ST6GALNAC3: variants seen among roughly 807,000 people sequenced by gnomAD.
The protein encoded by ST6GALNAC3 is alpha-N-acetylgalactosaminide alpha-2,6-sialyltransferase 3.
ST6GALNAC3 carries 25 observed loss-of-function variants against 32.7 expected under a neutral mutation model. The ratio of observed to expected loss-of-function variants is 0.76; its 90% CI spans 0.56 to 1.07. The LOEUF is 1.07. Ranked by LOEUF, ST6GALNAC3 falls within the 50% of genes least tolerant of loss-of-function variation. The pLI, the probability that ST6GALNAC3 is intolerant of heterozygous loss-of-function variation, is 0.00. For missense variants in ST6GALNAC3, 355 were observed against 382.4 expected (o/e 0.93, Z 0.60); for synonymous variants, 129 against 133.1 (o/e 0.97, Z 0.21).
At chr1:76,197,488 G>A (rs1654272090) in intron 1 of ST6GALNAC3, among the ~76,000 whole-genome samples, 2 of 151,346 alleles carry the variant, frequency 1.3e-5, no homozygotes, top group African/African-American at 4.9e-5. Context: ...TCCATGGGGG[G>A]CAGGGAAGGC....
intron 3 of ST6GALNAC3, among the ~76,000 whole-genome samples, chr1:76,573,453 G>C (rs1489746064): frequency 6.6e-6 from 1 of 152,084 alleles, no homozygotes; most frequent in African/African-American, 2.4e-5. Flanking sequence ...TGCACACACA[G>C]GGAGCAATCC....
At chr1:76,301,880 T>C (rs4405171) in intron 1 of ST6GALNAC3, among the ~76,000 whole-genome samples, 1 of 151,598 alleles carries the variant, frequency 6.6e-6, no homozygotes, top group African/African-American at 2.4e-5. Flanking sequence ...AGAAGAAAAA[T>C]CTCAAAAAGG....
chr1:76,380,517 T>G (rs1261291082), intron 2 of ST6GALNAC3, among the ~76,000 whole-genome samples: 1 of 152,170 alleles, frequency 6.6e-6, no homozygotes, highest in Non-Finnish European at 1.5e-5. Flanking sequence ...ACATAAATGT[T>G]TATAGCAGCT....
At chr1:76,477,532 G>A (rs921438324) in intron 3 of ST6GALNAC3, among the ~76,000 whole-genome samples, 4 of 152,136 alleles carry the variant, frequency 2.6e-5, no homozygotes, top group African/African-American at 9.7e-5. Flanking sequence ...CTGACTTCTG[G>A]CATCTCACCA....
chr1:76,566,119 A>G (rs1180218946), intron 3 of ST6GALNAC3, among the ~76,000 whole-genome samples: 1 of 152,226 alleles, frequency 6.6e-6, no homozygotes, highest in East Asian at 1.9e-4. Flanking sequence ...GGCAGGTGCC[A>G]TATGGATCCT....
intron 2 of ST6GALNAC3, among the ~76,000 whole-genome samples, chr1:76,365,928 T>G (rs968401728): frequency 2.0e-5 from 3 of 152,170 alleles, no homozygotes; most frequent in Admixed American, 1.3e-4. Context: ...CTCCTTCCAG[T>G]TCCTACATTA....
intron 1 of ST6GALNAC3, among the ~76,000 whole-genome samples, chr1:76,191,306 A>C (rs1653881456): frequency 6.6e-6 from 1 of 152,166 alleles, no homozygotes; most frequent in Non-Finnish European, 1.5e-5. Context: ...TAAAAAAAAA[A>C]AAGAATTGAT....
At chr1:76,294,726 T>C (rs1258990856) in intron 1 of ST6GALNAC3, among the ~76,000 whole-genome samples, 1 of 152,044 alleles carries the variant, frequency 6.6e-6, no homozygotes, top group Admixed American at 6.6e-5. Context: ...GAAGGTCAAG[T>C]TCAACCCACT....
chr1:76,488,714 GA>G (rs1660298625), intron 3 of ST6GALNAC3, among the ~76,000 whole-genome samples: 1 of 152,178 alleles, frequency 6.6e-6, no homozygotes, highest in South Asian at 2.1e-4. Flanking sequence ...AGTTGTCCAT[GA>G]GTCTGTAATG....
At chr1:76,098,319 C>A (rs750845379) in intron 1 of ST6GALNAC3, among the ~76,000 whole-genome samples, 4 of 151,978 alleles carry the variant, frequency 2.6e-5, no homozygotes, top group Non-Finnish European at 4.4e-5. Context: ...TTTTTTCTTC[C>A]CTATTCTAAA....
chr1:76,585,716 A>G (rs1048879324), intron 3 of ST6GALNAC3, among the ~76,000 whole-genome samples: 1 of 152,208 alleles, frequency 6.6e-6, no homozygotes, highest in Non-Finnish European at 1.5e-5. Flanking sequence ...GCTCTTCCCT[A>G]TCATAACCAA....
chr1:76,461,719 T>A (rs866976325), intron 3 of ST6GALNAC3, among the ~76,000 whole-genome samples: 4 of 152,160 alleles, frequency 2.6e-5, no homozygotes, highest in African/African-American at 9.7e-5. Flanking sequence ...ACAGTAAGTG[T>A]TGTAGTGGCA....
intron 3 of ST6GALNAC3, among the ~76,000 whole-genome samples, chr1:76,540,198 C>A (rs1418930588): frequency 6.6e-6 from 1 of 152,110 alleles, no homozygotes; most frequent in East Asian, 1.9e-4. Context: ...GAGATCATTT[C>A]CTTTGCAGGG....
chr1:76,524,968 G>A (rs7525997), intron 3 of ST6GALNAC3, among the ~76,000 whole-genome samples: 50,057 of 151,530 alleles, frequency 0.33, 8,955 homozygotes, highest in African/African-American at 0.47. Context: ...ACATGAAAAG[G>A]GAAATTGAAG....
At chr1:76,361,794 C>G (rs960782878) in intron 2 of ST6GALNAC3, among the ~76,000 whole-genome samples, 1 of 151,920 alleles carries the variant, frequency 6.6e-6, no homozygotes, top group African/African-American at 2.4e-5. Flanking sequence ...GCCTGTCCAA[C>G]TTGGTGAAAT....
chr1:76,512,792 T>C (rs1347539), intron 3 of ST6GALNAC3, among the ~76,000 whole-genome samples: 17,311 of 152,136 alleles, frequency 0.11, 1,126 homozygotes, highest in East Asian at 0.23. Flanking sequence ...ACTCTTTATT[T>C]ATATACACAC....
chr1:76,224,298 C>G (rs114025242), intron 1 of ST6GALNAC3, among the ~76,000 whole-genome samples: 4 of 152,178 alleles, frequency 2.6e-5, no homozygotes, highest in Admixed American at 1.3e-4. Context: ...CACCTCTCCC[C>G]ACTAAGTTTG....
chr1:76,347,196 C>T (rs768082599), intron 2 of ST6GALNAC3, among the ~76,000 whole-genome samples: 5 of 152,130 alleles, frequency 3.3e-5, no homozygotes, highest in African/African-American at 1.2e-4. Context: ...ATGCAAATCA[C>T]TGCTGTCCAA....
At chr1:76,080,840 T>C (rs1262166109) in intron 1 of ST6GALNAC3, among the ~76,000 whole-genome samples, 2 of 152,192 alleles carry the variant, frequency 1.3e-5, no homozygotes, top group African/African-American at 2.4e-5. Context: ...ATAAATCTGC[T>C]ATGACATTTC....
Sources: allele counts gnomAD v4.1 joint callset (sites outside exome capture counted in the v4.1 genomes callset), GRCh38; gene constraint gnomAD v4.1.1; transcripts MANE v1.5; gene names NCBI Gene and HGNC (gene_info 2026-07-23, HGNC 2026-07-21).